Variants in FBXL17 observed in about 807,000 individuals in gnomAD.
FBXL17 encodes F-box and leucine rich repeat protein 17.
In FBXL17, 22 loss-of-function variants were observed where a neutral mutation model predicts 66.2. That is an observed-to-expected ratio of 0.33 (90% CI 0.24 to 0.47). FBXL17 has a LOEUF of 0.47. Among genes scored for constraint, FBXL17 ranks in the 20% least tolerant of loss-of-function variants. The pLI is 1.00. For missense variants in FBXL17, 878 were observed against 948.2 expected, an observed-to-expected ratio of 0.93 and a Z score of 0.97; for synonymous variants, 474 against 400.5, an observed-to-expected ratio of 1.18 and a Z score of -2.19.
intron 6 of FBXL17, among the ~76,000 whole-genome samples, chr5:108,143,347 TCACACACACA>T (rs67696841): frequency 3.4e-5 from 5 of 147,688 alleles, no homozygotes; most frequent in Admixed American, 6.8e-5. Flanking sequence ...AACAGCATTC[TCACACACACA>T]CACACACACA....
intron 5 of FBXL17, among the ~76,000 whole-genome samples, chr5:108,187,872 T>C (rs953228073): frequency 6.6e-6 from 1 of 152,152 alleles, no homozygotes; most frequent in South Asian, 2.1e-4. Context: ...CATGTGAGAA[T>C]TTAAGTCAGT....
At position 108,368,080 on chromosome 5, in the gene FBXL17, T is replaced by C. The variant is rs550451657; in HGVS notation, c.994-127A>G. On this transcript the variant is annotated intron_variant, in intron 1 of 8. Coordinates refer to ENST00000542267, the MANE Select transcript of FBXL17 (RefSeq NM_001163315.3). The stretch of plus-strand genomic sequence containing the variant: ...CCTTCTTGAATAAAAGAGGCCATTA[T>C]TGTAAGTCACCGTAAGAGATCACCT... 1.4e-3 allele frequency: 1,231 copies of C among 859,266 alleles called. 2 individuals are homozygous for C. Among genetic ancestry groups the C allele is most frequent in the Non-Finnish European group, 2.0e-3 (1,110 of 568,176 alleles). The allele number at this position is 859,266 out of a possible 1,614,324, so 53.2% of individuals were successfully genotyped here.
intron 6 of FBXL17, among the ~76,000 whole-genome samples, chr5:108,113,344 C>A (rs1262491499): frequency 6.6e-6 from 1 of 151,886 alleles, no homozygotes; most frequent in Non-Finnish European, 1.5e-5. Flanking sequence ...ATCTAATATG[C>A]AAGAGAGATA....
At chr5:108,112,223 G>A (rs546442428) in intron 6 of FBXL17, among the ~76,000 whole-genome samples, 2 of 136,264 alleles carry the variant, frequency 1.5e-5, no homozygotes, top group Admixed American at 7.9e-5. Context: ...ATACTGGTCT[G>A]GTCACATAAA....
intron 1 of FBXL17, among the ~76,000 whole-genome samples, chr5:108,373,560 A>G (rs1749209218): frequency 1.3e-5 from 2 of 151,964 alleles, no homozygotes; most frequent in Admixed American, 1.3e-4. Flanking sequence ...TAAAATAGTA[A>G]ATGTATTTCC....
At chr5:108,087,249 A>G (rs1749009373) in intron 6 of FBXL17, among the ~76,000 whole-genome samples, 1 of 152,192 alleles carries the variant, frequency 6.6e-6, no homozygotes, top group Non-Finnish European at 1.5e-5. Flanking sequence ...AAATGTATAC[A>G]AGGTATTCAA....
intron 7 of FBXL17, among the ~76,000 whole-genome samples, chr5:107,901,807 T>C (rs896271039): frequency 6.6e-6 from 1 of 151,788 alleles, no homozygotes; most frequent in South Asian, 2.1e-4. Flanking sequence ...GGCCTCCGAG[T>C]TGGGGAGATA....
chr5:108,104,693 G>T (rs894564804), intron 6 of FBXL17, among the ~76,000 whole-genome samples: 3 of 152,190 alleles, frequency 2.0e-5, no homozygotes, highest in Non-Finnish European at 2.9e-5. Context: ...TGCAATAGAT[G>T]ATCCACAGTT....
intron 7 of FBXL17, among the ~76,000 whole-genome samples, chr5:107,899,709 T>C (rs906646928): frequency 1.3e-5 from 2 of 152,342 alleles, no homozygotes; most frequent in South Asian, 2.1e-4. Context: ...TACGAATGAA[T>C]GGATGATTTT....
At chr5:108,133,582 C>G (rs1266779120) in intron 6 of FBXL17, among the ~76,000 whole-genome samples, 1 of 151,560 alleles carries the variant, frequency 6.6e-6, no homozygotes, top group African/African-American at 2.4e-5. Context: ...ACCATGATGA[C>G]AGGAATCAAG....
At chr5:108,226,064 C>T (rs981605359) in intron 4 of FBXL17, among the ~76,000 whole-genome samples, 4 of 152,122 alleles carry the variant, frequency 2.6e-5, no homozygotes, top group Non-Finnish European at 2.9e-5. Flanking sequence ...CTCCTAGTCC[C>T]TCTCTGTGTC....
intron 8 of FBXL17, among the ~76,000 whole-genome samples, chr5:107,864,003 G>A (rs1748206271): frequency 6.6e-6 from 1 of 152,252 alleles, no homozygotes; most frequent in South Asian, 2.1e-4. Flanking sequence ...GGAGATTAAA[G>A]ATTGCCTTTT....
At chr5:108,094,587 T>C (rs1370914390) in intron 6 of FBXL17, among the ~76,000 whole-genome samples, 1 of 152,140 alleles carries the variant, frequency 6.6e-6, no homozygotes, top group Non-Finnish European at 1.5e-5. Context: ...AACTTCCCCA[T>C]TCATGTACAA....
intron 7 of FBXL17, among the ~76,000 whole-genome samples, chr5:108,007,800 AG>A (rs1753997352): frequency 6.6e-6 from 1 of 152,202 alleles, no homozygotes; most frequent in South Asian, 2.1e-4. Flanking sequence ...GCATAACGAT[AG>A]AAAGGCTGTA....
At chr5:108,202,494 A>T (rs1442624505) in intron 5 of FBXL17, among the ~76,000 whole-genome samples, 4 of 152,162 alleles carry the variant, frequency 2.6e-5, no homozygotes, top group Non-Finnish European at 4.4e-5. Context: ...GGCAGTAATA[A>T]TAAGGTAGAA....
intron 4 of FBXL17, among the ~76,000 whole-genome samples, chr5:108,339,508 T>C (rs1746739576): frequency 6.6e-6 from 1 of 151,930 alleles, no homozygotes; most frequent in South Asian, 2.1e-4. Flanking sequence ...TTAGAGATAA[T>C]TTGTTTTGCT....
rs142558832 is a variant in FBXL17, at chr5:107,869,695, G to C, written c.1966-7835C>G. Among the ~76,000 whole-genome samples, 26 of 152,246 alleles carry C rather than the reference G, an allele frequency of 1.7e-4. No individual in the cohort carries two copies. The East Asian group carries it at 4.6e-3, about 27-fold the overall frequency. ...TGGGTGACATGCCACATTCTGCTGAGGTTTGCTGTGGTGAGAGCAGGGAAC... is the reference window on the plus strand; with the variant it reads ...TGGGTGACATGCCACATTCTGCTGACGTTTGCTGTGGTGAGAGCAGGGAAC... On this transcript the variant is annotated intron_variant, in intron 8 of 8. Transcript: ENST00000542267.
At chr5:108,070,415 C>T (rs774446646) in intron 6 of FBXL17, among the ~76,000 whole-genome samples, 12 of 152,136 alleles carry the variant, frequency 7.9e-5, no homozygotes, top group Non-Finnish European at 1.8e-4. Flanking sequence ...TTTGATAATA[C>T]CATGAAGAAC....
intron 5 of FBXL17, among the ~76,000 whole-genome samples, chr5:108,205,576 A>G (rs1006562612): frequency 6.6e-6 from 1 of 152,064 alleles, no homozygotes; most frequent in Admixed American, 6.6e-5. Flanking sequence ...TCTTTTCTAC[A>G]ATGTTTTTTC....
Sources: gnomAD v4.1 joint callset for allele counts (sites outside exome capture counted in the v4.1 genomes callset) on GRCh38, gnomAD v4.1.1 for gene constraint, MANE v1.5 for transcripts, NCBI Gene and HGNC (gene_info 2026-07-23, HGNC 2026-07-21) for gene names.